MET: variants seen among roughly 807,000 people sequenced by gnomAD.
MET encodes the protein MET proto-oncogene, receptor tyrosine kinase.
MET carries 48 observed loss-of-function variants against 133.1 expected under a neutral mutation model. The ratio of observed to expected loss-of-function variants is 0.36; its 90% CI spans 0.29 to 0.46. The LOEUF is 0.46. Among genes scored for constraint, MET ranks in the 20% least tolerant of loss-of-function variants. The pLI is 1.00. For synonymous variants in MET, 628 were observed against 616.5 expected (o/e 1.02, Z -0.28); for missense variants, 1,442 against 1,695.9 (o/e 0.85, Z 2.63).
chr7:116,683,170 A>T (rs1282015697), intron 1 of MET, among the ~76,000 whole-genome samples: 1 of 152,294 alleles, frequency 6.6e-6, no homozygotes, highest in East Asian at 1.9e-4. Flanking sequence ...CCCAGGTATT[A>T]AGCCTAGTAC....
Position 116,795,890 on chromosome 7 carries a change from T to C in MET, c.3939T>C (p.Tyr1313=), listed in dbSNP as rs1174193787. 1 of 1,614,186 alleles carries C rather than the reference T, an allele frequency of 6.2e-7. No homozygotes were observed. The stretch of plus-strand genomic sequence containing the variant: ...CATGTCTTTCTTTTTGGAACAGATA[T>C]GAAGTAATGCTAAAATGCTGGCACC... The part of the protein sequence containing the change: ...LQPEYCPDPL[Y]EVMLKCWHPK... Residue 1313 remains tyrosine, a synonymous_variant, in exon 21 of 21, where the codon TAT becomes TAC. Coordinates refer to ENST00000397752, the MANE Select transcript of MET (RefSeq NM_000245.4).
At chr7:116,754,983 G>GAAAGA (rs778450148) in intron 5 of MET, among the ~76,000 whole-genome samples, 2 of 78,694 alleles carry the variant, frequency 2.5e-5, no homozygotes, top group Admixed American at 2.9e-4. Context: ...AGCAGAGAAA[G>GAAAGA]GAAAGAAAGA....
intron 2 of MET, among the ~76,000 whole-genome samples, chr7:116,718,738 C>T (rs1262523341): frequency 1.8e-4 from 27 of 148,000 alleles, no homozygotes; most frequent in Non-Finnish European, 3.1e-4. Context: ...TGAGAATATG[C>T]GGTGTTTGGT....
At chr7:116,765,116 A>G (rs1198840037) in intron 11 of MET, among the ~76,000 whole-genome samples, 1 of 151,944 alleles carries the variant, frequency 6.6e-6, no homozygotes, top group Non-Finnish European at 1.5e-5. Context: ...CCTGGCCAAA[A>G]TGGTGAAACC....
At chr7:116,725,465 C>CACATAT (rs1792709710) in intron 2 of MET, among the ~76,000 whole-genome samples, 1 of 144,916 alleles carries the variant, frequency 6.9e-6, no homozygotes, top group Non-Finnish European at 1.5e-5. Flanking sequence ...TTATGATATA[C>CACATAT]ATATATATAT....
intron 10 of MET, among the ~76,000 whole-genome samples, chr7:116,760,996 C>T (rs1794381874): frequency 6.6e-6 from 1 of 152,068 alleles, no homozygotes; most frequent in African/African-American, 2.4e-5. Flanking sequence ...TGGTATGAGA[C>T]CTTTTAAAGT....
intron 2 of MET, among the ~76,000 whole-genome samples, chr7:116,729,950 G>A (rs1792937372): frequency 6.6e-6 from 1 of 152,210 alleles, no homozygotes; most frequent in Admixed American, 6.5e-5. Context: ...TGGTGAACGA[G>A]TAGGGTCCCT....
At chr7:116,765,882 C>A (rs1230160796) in intron 11 of MET, among the ~76,000 whole-genome samples, 1 of 152,018 alleles carries the variant, frequency 6.6e-6, no homozygotes, top group African/African-American at 2.4e-5. Context: ...TCTTGGGTCA[C>A]CCAGGAAGCA....
chr7:116,772,005 T>C lies in MET; in HGVS notation c.3028+16T>C, dbSNP rs749086707. 2 of 1,613,358 alleles carry C rather than the reference T, an allele frequency of 1.2e-6. No individual in the cohort carries two copies. The highest frequency in any genetic ancestry group is 8.5e-7 in the Non-Finnish European group (1 of 1,179,498). The stretch of plus-strand genomic sequence containing the variant: ...TTTCCAGAAGGTATATTTCAGTTTA[T>C]TGTTCTGAGAAATACCTATACATAT... On this transcript the variant is annotated intron_variant, in intron 14 of 20. Coordinates refer to ENST00000397752, the MANE Select transcript of MET (RefSeq NM_000245.4).
chr7:116,695,017 C>T (rs1796915251), intron 1 of MET, among the ~76,000 whole-genome samples: 1 of 152,188 alleles, frequency 6.6e-6, no homozygotes, highest in African/African-American at 2.4e-5. Flanking sequence ...ATTCACACTT[C>T]ACACTGCATT....
At chr7:116,704,088 C>A (rs571503749) in intron 2 of MET, among the ~76,000 whole-genome samples, 1 of 152,072 alleles carries the variant, frequency 6.6e-6, no homozygotes, top group Non-Finnish European at 1.5e-5. Context: ...GGGTGGAAGT[C>A]CTGGTTTACT....
At position 116,699,203 on chromosome 7, in the gene MET, A is replaced by T. The variant is rs1210616219; in HGVS notation, c.119A>T (p.Lys40Met). 5 of 1,613,966 alleles carry T rather than the reference A, an allele frequency of 3.1e-6. No homozygotes were observed. In the South Asian group the frequency reaches 5.5e-5, roughly 18 times the overall value. ...AAGTCCGAGATGAATGTGAATATGA[A>T]GTATCAGCTTCCCAACTTCACCGCG... ...LAKSEMNVNM[K>M]YQLPNFTAET... Residue 40 changes from lysine to methionine, a missense_variant, in exon 2 of 21, where the codon AAG becomes ATG. Coordinates refer to ENST00000397752, the MANE Select transcript of MET (RefSeq NM_000245.4).
chr7:116,702,226 G>A (rs17138943), intron 2 of MET, among the ~76,000 whole-genome samples: 9,386 of 152,106 alleles, frequency 0.062, 383 homozygotes, highest in African/African-American at 0.11. Context: ...ATTCTTGCGG[G>A]AAACAAGATG....
intron 2 of MET, among the ~76,000 whole-genome samples, chr7:116,728,051 G>A (rs550313513): frequency 2.0e-5 from 3 of 152,282 alleles, no homozygotes; most frequent in African/African-American, 7.2e-5. Flanking sequence ...AAGACACAAG[G>A]AGCACCTCTG....
intron 10 of MET, among the ~76,000 whole-genome samples, chr7:116,761,214 A>G (rs1399262460): frequency 6.6e-6 from 1 of 152,162 alleles, no homozygotes. Context: ...GATTCAAACA[A>G]TGGTAGACGA....
At chr7:116,793,063 A>G (rs1335715095) in intron 19 of MET, among the ~76,000 whole-genome samples, 1 of 152,104 alleles carries the variant, frequency 6.6e-6, no homozygotes, top group African/African-American at 2.4e-5. Flanking sequence ...ACTGGCCTCC[A>G]TATTGTGAAT....
At chr7:116,751,090 A>T (rs1312860654) in intron 5 of MET, among the ~76,000 whole-genome samples, 1 of 152,244 alleles carries the variant, frequency 6.6e-6, no homozygotes, top group African/African-American at 2.4e-5. Flanking sequence ...CCAAAGGATT[A>T]TAAGTCATTC....
chr7:116,732,264 C>T (rs1272734421), intron 3 of MET, among the ~76,000 whole-genome samples: 3 of 152,116 alleles, frequency 2.0e-5, no homozygotes, highest in Non-Finnish European at 2.9e-5. Flanking sequence ...ACATTCACAT[C>T]ATTGAGAAAT....
intron 19 of MET, among the ~76,000 whole-genome samples, chr7:116,788,931 C>T (rs780021124): frequency 5.3e-5 from 8 of 152,176 alleles, no homozygotes; most frequent in Admixed American, 5.2e-4. Context: ...ATCACTCACA[C>T]CCTCCTCTGA....
Sources: gnomAD v4.1 joint callset for allele counts (sites outside exome capture counted in the v4.1 genomes callset) on GRCh38, gnomAD v4.1.1 for gene constraint, MANE v1.5 for transcripts, NCBI Gene and HGNC (gene_info 2026-07-23, HGNC 2026-07-21) for gene names.